SCAPER: variants seen among roughly 807,000 people sequenced by gnomAD.
SCAPER encodes S-phase cyclin A associated protein in the ER.
Under a neutral mutation model 182.2 loss-of-function variants are expected in SCAPER, and 98 were observed. That is an observed-to-expected ratio of 0.54 (90% confidence interval 0.46 to 0.64). The LOEUF is 0.64. Ranked by LOEUF, SCAPER falls within the 30% of genes least tolerant of loss-of-function variation. The probability of loss-of-function intolerance (pLI) is 0.00; values close to 1 mark genes in which losing one functional copy is unlikely to be tolerated. For missense variants in SCAPER, 1,432 were observed against 1,690.0 expected, an observed-to-expected ratio of 0.85 and a Z score of 2.68; for synonymous variants, 605 against 564.6, an observed-to-expected ratio of 1.07 and a Z score of -1.01.
At chr15:76,826,161 C>T (rs1223115168) in intron 5 of SCAPER, among the ~76,000 whole-genome samples, 1 of 151,554 alleles carries the variant, frequency 6.6e-6, no homozygotes, top group Non-Finnish European at 1.5e-5. Flanking sequence ...TGGAACCAAC[C>T]CAAATGTCCA....
chr15:76,363,341 C>G (rs1022589034), intron 29 of SCAPER, among the ~76,000 whole-genome samples: 3 of 152,214 alleles, frequency 2.0e-5, no homozygotes, highest in African/African-American at 7.2e-5. Context: ...AGCTCTGGGC[C>G]TACCCATCCC....
At chr15:76,427,056 C>T (rs563776529) in intron 26 of SCAPER, among the ~76,000 whole-genome samples, 2 of 152,196 alleles carry the variant, frequency 1.3e-5, no homozygotes, top group African/African-American at 4.8e-5. Context: ...CTCACCAATA[C>T]AAAAACCAAC....
intron 20 of SCAPER, among the ~76,000 whole-genome samples, chr15:76,675,267 A>G (rs1179691073): frequency 2.6e-5 from 4 of 152,256 alleles, no homozygotes; most frequent in Non-Finnish European, 5.9e-5. Flanking sequence ...TGAAATTATA[A>G]TATTTATATC....
intron 15 of SCAPER, among the ~76,000 whole-genome samples, chr15:76,741,143 A>C (rs1222833821): frequency 6.6e-6 from 1 of 152,140 alleles, no homozygotes; most frequent in Non-Finnish European, 1.5e-5. Context: ...ATAAAGATTA[A>C]TACATCTTAC....
At chr15:76,603,663 C>G (rs1295951310) in intron 22 of SCAPER, among the ~76,000 whole-genome samples, 1 of 121,210 alleles carries the variant, frequency 8.3e-6, no homozygotes, top group East Asian at 2.2e-4. Context: ...TAAAAGTGTT[C>G]CTATTTCTCC....
intron 23 of SCAPER, 52 bp downstream of exon 23, chr15:76,574,106 T>G: frequency 6.4e-7 from 1 of 1,552,478 alleles, no homozygotes; most frequent in Non-Finnish European, 8.7e-7. Context: ...ACTGTCATAG[T>G]GAGAAAGGAT....
At position 76,404,650 on chromosome 15, in the gene SCAPER, T is replaced by C. The variant is rs75085334; in HGVS notation, c.3341A>G (p.Lys1114Arg). ...CACCGAGAGGAAGCAGGCACACAGT[T>C]TGTCAATCAGACCCATGTTCACCAC... ...SYVVNMGLID[K>R]LCACFLSVQG... Residue 1114 changes from lysine to arginine, a missense_variant, in exon 27 of 32, where the codon AAA (lysine) becomes AGA (arginine). Transcript: ENST00000563290. The C allele has an allele frequency of 4.3e-6, 7 of 1,611,998 alleles. No homozygotes were observed. Among genetic ancestry groups the C allele is most frequent in the Admixed American group, 1.7e-5 (1 of 59,802 alleles).
intron 10 of SCAPER, among the ~76,000 whole-genome samples, chr15:76,770,976 A>G (rs2063435308): frequency 6.6e-6 from 1 of 152,120 alleles, no homozygotes; most frequent in Admixed American, 6.5e-5. Context: ...TATTATCCCT[A>G]TAAAATGTAT....
chr15:76,523,871 G>T, intron 23 of SCAPER, among the ~76,000 whole-genome samples: 1 of 151,630 alleles, frequency 6.6e-6, no homozygotes, highest in South Asian at 2.1e-4. Context: ...AATCCCAATT[G>T]TTGTGTGTAA....
At chr15:76,612,363 G>A (rs750948110) in intron 22 of SCAPER, among the ~76,000 whole-genome samples, 2 of 152,028 alleles carry the variant, frequency 1.3e-5, no homozygotes, top group African/African-American at 2.4e-5. Context: ...TCAGCCTCCC[G>A]AGTAGCTGAA....
At chr15:76,485,907 T>C (rs1449623878) in intron 24 of SCAPER, among the ~76,000 whole-genome samples, 1 of 152,104 alleles carries the variant, frequency 6.6e-6, no homozygotes, top group Non-Finnish European at 1.5e-5. Context: ...AAGACTTAAA[T>C]GTAAAACCGA....
intron 17 of SCAPER, among the ~76,000 whole-genome samples, chr15:76,723,240 T>G (rs1449332235): frequency 2.0e-5 from 3 of 152,238 alleles, no homozygotes; most frequent in Non-Finnish European, 4.4e-5. Context: ...TTAGCAGTTT[T>G]GAGTGAGTTT....
chr15:76,404,164 T>C (rs2044659670), intron 27 of SCAPER, among the ~76,000 whole-genome samples: 3 of 152,164 alleles, frequency 2.0e-5, no homozygotes, highest in African/African-American at 7.2e-5. Flanking sequence ...CTGTACTGTG[T>C]AGGGCTGACG....
chr15:76,647,086 CCACAAATTTTT>C (rs2054609989), intron 21 of SCAPER, among the ~76,000 whole-genome samples: 1 of 152,156 alleles, frequency 6.6e-6, no homozygotes, highest in African/African-American at 2.4e-5. Flanking sequence ...TCTAATTCTT[CCACAAATTTTT>C]ACTGGACACC....
At chr15:76,443,160 A>C (rs1013667932) in intron 25 of SCAPER, among the ~76,000 whole-genome samples, 5 of 152,216 alleles carry the variant, frequency 3.3e-5, no homozygotes, top group Non-Finnish European at 5.9e-5. Context: ...TCATCCTCCC[A>C]AACAGTGCAG....
intron 22 of SCAPER, among the ~76,000 whole-genome samples, chr15:76,609,890 C>T (rs921027425): frequency 1.4e-4 from 21 of 151,886 alleles, no homozygotes; most frequent in African/African-American, 4.1e-4. Flanking sequence ...TTTTTTCCCC[C>T]TTATGTGGAA....
intron 23 of SCAPER, among the ~76,000 whole-genome samples, chr15:76,508,772 G>A (rs920551162): frequency 2.0e-5 from 3 of 152,210 alleles, no homozygotes; most frequent in Admixed American, 6.5e-5. Context: ...CTTGACAAAT[G>A]CTTATCAAGA....
Position 76,841,926 on chromosome 15 carries a change from A to G in SCAPER, c.201T>C (p.Thr67=). 1 of 1,612,434 alleles carries G rather than the reference A, an allele frequency of 6.2e-7. No homozygotes were observed. Among genetic ancestry groups the G allele is most frequent in the Non-Finnish European group, 8.5e-7 (1 of 1,179,286 alleles). The change falls in exon 5 of 32, where the codon ACT becomes ACC. Residue 67 remains threonine (T), a synonymous_variant. Coordinates refer to ENST00000563290, the MANE Select transcript of SCAPER (RefSeq NM_020843.4). ...QGTHKTTKQS[T]AVDCKITSST... is the part of the protein sequence containing the mutation. ...ACGATGTTATTTTACAGTCCACTGC[A>G]GTACTCTGGTGAAGTAAAATAAAAC... is the stretch of plus-strand genomic sequence containing the variant.
intron 2 of SCAPER, among the ~76,000 whole-genome samples, chr15:76,882,757 C>T (rs1270771963): frequency 2.6e-5 from 4 of 152,216 alleles, no homozygotes; most frequent in Non-Finnish European, 4.4e-5. Flanking sequence ...CTCCGCCTCC[C>T]GGGTTCATGC....
Sources: gnomAD v4.1 joint callset for allele counts (sites outside exome capture counted in the v4.1 genomes callset) on GRCh38, gnomAD v4.1.1 for gene constraint, MANE v1.5 for transcripts, NCBI Gene and HGNC (gene_info 2026-07-23, HGNC 2026-07-21) for gene names.